The following KIAA0319L variants were observed in gnomAD, a reference collection of about 807,000 sequenced individuals.
The protein encoded by KIAA0319L is KIAA0319 like.
Under a neutral mutation model 120.1 loss-of-function variants are expected in KIAA0319L, and 55 were observed. The observed-to-expected ratio is 0.46, with a 90% CI of 0.37 to 0.57. KIAA0319L has a LOEUF of 0.57. KIAA0319L is among the 20% of genes least tolerant of loss of function. The pLI is 0.00. For synonymous variants in KIAA0319L, 398 were observed against 471.9 expected (o/e 0.84, Z 2.03); for missense variants, 1,049 against 1,255.3 (o/e 0.84, Z 2.48).
intron 3 of KIAA0319L, among the ~76,000 whole-genome samples, chr1:35,495,864 A>C (rs1468670197): frequency 1.1e-5 from 1 of 90,608 alleles, no homozygotes; most frequent in African/African-American, 9.3e-5. Flanking sequence ...AACACTCTAC[A>C]AAAAAAAAAA....
At chr1:35,449,340 T>A (rs1223025065) in intron 15 of KIAA0319L, among the ~76,000 whole-genome samples, 3 of 152,246 alleles carry the variant, frequency 2.0e-5, no homozygotes, top group African/African-American at 7.2e-5. Flanking sequence ...CATGGTTCTA[T>A]TTAAGAAGAA....
At chr1:35,499,178 G>A (rs1252133105) in intron 3 of KIAA0319L, among the ~76,000 whole-genome samples, 1 of 152,196 alleles carries the variant, frequency 6.6e-6, no homozygotes, top group Non-Finnish European at 1.5e-5. Flanking sequence ...GAGTTGTTAA[G>A]GGACCCACAC....
intron 2 of KIAA0319L, among the ~76,000 whole-genome samples, chr1:35,513,267 C>CATATAT (rs1189085625): frequency 6.1e-4 from 66 of 107,420 alleles, no homozygotes; most frequent in South Asian, 2.8e-3. Flanking sequence ...ATCTATATAA[C>CATATAT]ATATATATAT....
At chr1:35,513,062 T>C (rs964466887) in intron 2 of KIAA0319L, among the ~76,000 whole-genome samples, 2 of 151,068 alleles carry the variant, frequency 1.3e-5, no homozygotes, top group African/African-American at 4.9e-5. Context: ...AGTTAAGTAG[T>C]TGTAACAGAA....
rs1558265635 is a variant in KIAA0319L, at chr1:35,442,307, T to A, written c.2809A>T (p.Thr937Ser). 1.2e-6 allele frequency: 2 copies of A among 1,613,740 alleles called. No homozygotes were observed. Among genetic ancestry groups the A allele is most frequent in the African/African-American group, 2.7e-5 (2 of 75,012 alleles). The change falls in exon 19 of 21, where the codon ACC becomes TCC. Residue 937 changes from threonine (T) to serine (S), a missense_variant. By Grantham distance (58) the Thr-to-Ser change is moderately conservative. Transcript: ENST00000325722. ...EWSVLYVIIA[T>S]FVIVVALGIL... The stretch of plus-strand genomic sequence containing the variant: ...CCCAAGGCAACAACAATGACAAAGG[T>A]AGCAATGATAACATATAACACGCTC...
At chr1:35,517,727 T>C (rs1435789587) in intron 2 of KIAA0319L, among the ~76,000 whole-genome samples, 1 of 152,170 alleles carries the variant, frequency 6.6e-6, no homozygotes, top group African/African-American at 2.4e-5. Context: ...AAATGGGATC[T>C]AATTAAACTT....
At position 35,444,243 on chromosome 1, in the gene KIAA0319L, C is replaced by A. The variant is rs2149078323; in HGVS notation, c.2574G>T (p.Glu858Asp). The A allele has an allele frequency of 6.2e-7, 1 of 1,609,396 alleles. No individual in the cohort carries two copies. Among genetic ancestry groups the A allele is most frequent in the South Asian group, 1.1e-5 (1 of 89,844 alleles). ...GCTCACTCTTGAGCATCGCTGCCACCTCATGGCCTTTGAAGATCTGGTGGG... is the reference window on the plus strand; with the variant it reads ...GCTCACTCTTGAGCATCGCTGCCACATCATGGCCTTTGAAGATCTGGTGGG... ...EPPHQIFKGH[E>D]VAAMLKSELR... is the part of the protein sequence containing the mutation. The change falls in exon 17 of 21, where the codon GAG becomes GAT. Residue 858 changes from glutamate (E) to aspartate (D), a missense_variant. Coordinates refer to ENST00000325722, the MANE Select transcript of KIAA0319L (RefSeq NM_024874.5).
Position 35,460,353 on chromosome 1 carries a change from G to A in KIAA0319L, c.1379C>T (p.Thr460Ile). The stretch of plus-strand genomic sequence containing the variant: ...GAGTTTACTTAGTTTTAATATGGCT[G>A]TATCTTCAGAAATCTTCTCTTCTCT... ...PLREEKISED[T>I]AILKLSKLVP... Residue 460 changes from threonine (T) to isoleucine (I), a missense_variant, in exon 9 of 21, where the codon ACA becomes ATA. Transcript: ENST00000325722. The A allele has an allele frequency of 6.2e-7, 1 of 1,612,830 alleles. No individual in the cohort carries two copies. The highest frequency in any genetic ancestry group is 1.1e-5 in the South Asian group (1 of 91,040).
chr1:35,457,954 G>A (rs984215538), intron 9 of KIAA0319L, among the ~76,000 whole-genome samples: 1 of 151,614 alleles, frequency 6.6e-6, no homozygotes, highest in African/African-American at 2.4e-5. Context: ...TTTTTTTTCT[G>A]AGACGGAGTC....
chr1:35,483,205 TGTTA>T (rs1248766361), intron 3 of KIAA0319L, among the ~76,000 whole-genome samples: 6 of 152,352 alleles, frequency 3.9e-5, no homozygotes, highest in African/African-American at 1.4e-4. Context: ...TTTTTCGTTT[TGTTA>T]GTGTTAGCTT....
chr1:35,513,288 A>ATATATT (rs1414704674), intron 2 of KIAA0319L, among the ~76,000 whole-genome samples: 12 of 85,302 alleles, frequency 1.4e-4, no homozygotes, highest in African/African-American at 2.1e-4. Flanking sequence ...ATATATATAT[A>ATATATT]TTTTTTTTTT....
intron 4 of KIAA0319L, among the ~76,000 whole-genome samples, chr1:35,477,028 A>G (rs993112680): frequency 6.6e-6 from 1 of 152,218 alleles, no homozygotes; most frequent in Non-Finnish European, 1.5e-5. Context: ...AGCAAAAAAA[A>G]AATTCTTGAG....
intron 2 of KIAA0319L, among the ~76,000 whole-genome samples, chr1:35,531,059 G>A (rs892216824): frequency 5.9e-5 from 9 of 152,246 alleles, no homozygotes; most frequent in African/African-American, 2.2e-4. Context: ...ACCCCAGGCA[G>A]GTAGGTTTCA....
At chr1:35,497,463 G>A (rs989767429) in intron 3 of KIAA0319L, among the ~76,000 whole-genome samples, 1 of 152,074 alleles carries the variant, frequency 6.6e-6, no homozygotes, top group African/African-American at 2.4e-5. Flanking sequence ...TTCTAGAGGG[G>A]GTGAGAGGGA....
At position 35,551,796 on chromosome 1, in the gene KIAA0319L, A is replaced by G. The variant is rs116252497; in HGVS notation, c.142+2554T>C. On this transcript the variant is annotated intron_variant, in intron 2 of 20. Coordinates refer to ENST00000325722, the MANE Select transcript of KIAA0319L (RefSeq NM_024874.5). ...GATAAAAGCTCCAAATTTTTCTAAA[A>G]TAGAACTGGCATAACCTAATCCCCA... Among the ~76,000 whole-genome samples, 372 of 152,298 alleles carry G rather than the reference A, an allele frequency of 2.4e-3. 2 individuals are homozygous for G. Among genetic ancestry groups the G allele is most frequent in the African/African-American group, 8.0e-3 (331 of 41,552 alleles).
chr1:35,520,032 C>T (rs1232132821), intron 2 of KIAA0319L, among the ~76,000 whole-genome samples: 4 of 152,160 alleles, frequency 2.6e-5, no homozygotes, highest in African/African-American at 4.8e-5. Context: ...CCTGGTCATT[C>T]TCCGAGTTTC....
intron 9 of KIAA0319L, among the ~76,000 whole-genome samples, chr1:35,459,008 T>C (rs10493070): frequency 0.027 from 4,069 of 152,302 alleles, 223 homozygotes; most frequent in East Asian, 0.24. Context: ...AGGATACTCA[T>C]TTCTGTGTCT....
intron 3 of KIAA0319L, among the ~76,000 whole-genome samples, chr1:35,504,364 C>T (rs986121420): frequency 6.6e-6 from 1 of 151,876 alleles, no homozygotes; most frequent in Non-Finnish European, 1.5e-5. Context: ...GCCCGGCTAA[C>T]TTTTTGTATT....
intron 3 of KIAA0319L, among the ~76,000 whole-genome samples, chr1:35,503,132 C>T (rs543392831): frequency 6.6e-6 from 1 of 152,302 alleles, no homozygotes; most frequent in Non-Finnish European, 1.5e-5. Flanking sequence ...CCCACTCCCC[C>T]CAATCCCATC....
Sources: allele counts gnomAD v4.1 joint callset (sites outside exome capture counted in the v4.1 genomes callset), GRCh38; gene constraint gnomAD v4.1.1; transcripts MANE v1.5; gene names NCBI Gene and HGNC (gene_info 2026-07-23, HGNC 2026-07-21).